The following CAPZA1 variants were observed in gnomAD, a reference collection of about 807,000 sequenced individuals.
CAPZA1 encodes F-actin-capping protein subunit alpha-1.
A neutral mutation model predicts 40.8 loss-of-function variants in CAPZA1; 10 were observed. That is an observed-to-expected ratio of 0.25 (90% CI 0.15 to 0.42). The LOEUF (loss-of-function observed/expected upper bound fraction) is 0.42. CAPZA1 is among the 10% of genes least tolerant of loss of function. The pLI is 1.00. For synonymous variants in CAPZA1, 98 were observed against 115.0 expected (o/e 0.85, Z 0.95); for missense variants, 277 against 353.8 (o/e 0.78, Z 1.74).
chr1:112,624,515 G>A (rs1317839735), intron 1 of CAPZA1, among the ~76,000 whole-genome samples: 1 of 148,644 alleles, frequency 6.7e-6, no homozygotes, highest in African/African-American at 2.5e-5. Context: ...GGCTGAGGCA[G>A]GAGAATAGCT....
Position 112,640,064 on chromosome 1 carries a change from G to A in CAPZA1, c.40-7146G>A, listed in dbSNP as rs867539846. On this transcript the variant is annotated intron_variant, in intron 1 of 9. Transcript: ENST00000263168. Reference sequence around the variant, plus strand: ...CCGCCCCTTCCGGGAGGTGAGGGTCGCCTCTGCCCGGCCGCCCCTACTGGG... The same window carrying A: ...CCGCCCCTTCCGGGAGGTGAGGGTCACCTCTGCCCGGCCGCCCCTACTGGG... Among the ~76,000 whole-genome samples, 656 of 126,052 alleles carry A rather than the reference G, an allele frequency of 5.2e-3. 16 individuals are homozygous for A. The highest frequency in any genetic ancestry group is 0.019 in the African/African-American group (599 of 31,834). 82.7% of individuals were successfully genotyped at this position (126,052 alleles called of 152,430 possible). A position where few individuals can be genotyped will look rare whatever the true frequency, so the allele number is the denominator to read the frequency against.
intron 1 of CAPZA1, among the ~76,000 whole-genome samples, chr1:112,640,681 A>AGG (rs1235806331): frequency 2.0e-5 from 3 of 152,120 alleles, no homozygotes; most frequent in African/African-American, 7.2e-5. Context: ...CTGGAAAGTG[A>AGG]GGAGCCCCTC....
In CAPZA1 at chr1:112,624,607, A is replaced by C. The variant is rs1415092337; in HGVS notation, c.39+4724A>C. 2.9e-4 allele frequency among the ~76,000 whole-genome samples: 27 copies of C among 92,560 alleles called. No homozygotes were observed. The South Asian group carries it at 9.1e-3, about 31-fold the overall frequency. 60.7% of individuals were successfully genotyped at this position (92,560 alleles called of 152,430 possible). A position where few individuals can be genotyped will look rare whatever the true frequency, so the allele number is the denominator to read the frequency against. Reference sequence around the variant, plus strand: ...TGGGCAACAGAGCAAAACTCCATCAAAAAAAAAAAAAAAAAAAAAAAAAAG... The same window carrying C: ...TGGGCAACAGAGCAAAACTCCATCACAAAAAAAAAAAAAAAAAAAAAAAAG... On this transcript the variant is annotated intron_variant, in intron 1 of 9. Coordinates refer to ENST00000263168, the MANE Select transcript of CAPZA1 (RefSeq NM_006135.3).
At chr1:112,622,549 T>C (rs1557724438) in intron 1 of CAPZA1, among the ~76,000 whole-genome samples, 1 of 152,200 alleles carries the variant, frequency 6.6e-6, no homozygotes, top group East Asian at 1.9e-4. Context: ...CATTCAACAT[T>C]TGTAAAACAT....
intron 7 of CAPZA1, among the ~76,000 whole-genome samples, chr1:112,665,637 C>G (rs1671710904): frequency 6.6e-6 from 1 of 152,128 alleles, no homozygotes; most frequent in Admixed American, 6.5e-5. Context: ...ATAGGTGACA[C>G]CTTCTGCATT....
At chr1:112,668,548 C>T (rs1031221832) in intron 8 of CAPZA1, among the ~76,000 whole-genome samples, 1 of 152,134 alleles carries the variant, frequency 6.6e-6, no homozygotes, top group Non-Finnish European at 1.5e-5. Context: ...GGCTGGAGCA[C>T]TGTCTTGGCT....
At chr1:112,641,391 G>A (rs1671159383) in intron 1 of CAPZA1, among the ~76,000 whole-genome samples, 2 of 151,942 alleles carry the variant, frequency 1.3e-5, no homozygotes, top group African/African-American at 4.8e-5. Context: ...CTATACATAG[G>A]TGTAAATATA....
chr1:112,657,151 C>G (rs199554265), intron 5 of CAPZA1, among the ~76,000 whole-genome samples: 1 of 152,084 alleles, frequency 6.6e-6, no homozygotes, highest in African/African-American at 2.4e-5. Context: ...CCGTTCGCCT[C>G]AGCTTCCCAA....
chr1:112,666,786 G>A (rs1279075278), intron 7 of CAPZA1: 3 of 274,828 alleles, frequency 1.1e-5, no homozygotes, highest in Admixed American at 4.9e-5. Context: ...ATTTACCTTT[G>A]TATTCACAAT....
chr1:112,644,675 T>C (rs1016071612), intron 1 of CAPZA1, among the ~76,000 whole-genome samples: 1 of 152,096 alleles, frequency 6.6e-6, no homozygotes, highest in Non-Finnish European at 1.5e-5. Flanking sequence ...CCTTAGGGAG[T>C]TGAATCATCT....
chr1:112,631,828 T>C (rs1670922839), intron 1 of CAPZA1, among the ~76,000 whole-genome samples: 1 of 152,230 alleles, frequency 6.6e-6, no homozygotes, highest in African/African-American at 2.4e-5. Context: ...TTTAAGCACA[T>C]TTAAGCTCCT....
chr1:112,668,275 CAAAA>C (rs1671766175), intron 8 of CAPZA1, among the ~76,000 whole-genome samples: 1 of 151,602 alleles, frequency 6.6e-6, no homozygotes, highest in Non-Finnish European at 1.5e-5. Flanking sequence ...AACCCTGTCT[CAAAA>C]AGAAAGAAAG....
rs543964663 is a variant in CAPZA1 at position 112,655,442 on chromosome 1, A to G, written c.426+771A>G. On this transcript the variant is annotated intron_variant, in intron 5 of 9. Transcript: ENST00000263168. ...CAGTGAGCTGAGACCACACCACTGC[A>G]TTCCAGCCTGGGCAACAGAGTGAGA... 3.0e-3 allele frequency among the ~76,000 whole-genome samples: 456 copies of G among 152,304 alleles called. 2 individuals carry two copies. Among genetic ancestry groups the G allele is most frequent in the African/African-American group, 0.01 (436 of 41,578 alleles).
At chr1:112,665,559 C>T (rs558898342) in intron 7 of CAPZA1, among the ~76,000 whole-genome samples, 20 of 152,278 alleles carry the variant, frequency 1.3e-4, no homozygotes, top group Non-Finnish European at 2.4e-4. Flanking sequence ...ATTCCTCATA[C>T]TTCTGGAGAC....
rs1670540121 is a variant in CAPZA1 at position 112,619,875 on chromosome 1, G to A, written c.31G>A (p.Glu11Lys). The change falls in exon 1 of 10, where the codon GAG becomes AAG. Residue 11 changes from glutamate to lysine, a missense_variant. Physicochemically the swap from Glu to Lys is moderately conservative, Grantham distance 56. Transcript: ENST00000263168. MADFDDRVSD[E>K]EKVRIAAKFI... ...CGACTTCGATGATCGTGTGTCGGATGAGGAGAAGGTAAGGGGTCCGCCTCT... is the reference window on the plus strand; with the variant it reads ...CGACTTCGATGATCGTGTGTCGGATAAGGAGAAGGTAAGGGGTCCGCCTCT... 6.2e-7 allele frequency: 1 copy of A among 1,612,144 alleles called. No homozygotes were observed.
intron 1 of CAPZA1, among the ~76,000 whole-genome samples, chr1:112,637,387 CAG>C (rs1278864576): frequency 6.6e-6 from 1 of 152,254 alleles, no homozygotes; most frequent in Admixed American, 6.5e-5. Context: ...TGTTCTGTGT[CAG>C]GGGTTGACAA....
At chr1:112,636,351 T>A (rs755845746) in intron 1 of CAPZA1, among the ~76,000 whole-genome samples, 1 of 152,208 alleles carries the variant, frequency 6.6e-6, no homozygotes, top group Admixed American at 6.5e-5. Context: ...ATAAGACGAA[T>A]GGGAAGAAAT....
chr1:112,624,480 T>C (rs897718849), intron 1 of CAPZA1, among the ~76,000 whole-genome samples: 16 of 151,624 alleles, frequency 1.1e-4, no homozygotes, highest in African/African-American at 3.6e-4. Flanking sequence ...TGGTGGTGCA[T>C]GTCTGTAATC....
chr1:112,626,681 T>G (rs1373364836), intron 1 of CAPZA1, among the ~76,000 whole-genome samples: 1 of 152,240 alleles, frequency 6.6e-6, no homozygotes, highest in African/African-American at 2.4e-5. Flanking sequence ...TAACAACATT[T>G]TTAATTATCT....
Sources: allele counts gnomAD v4.1 joint callset (sites outside exome capture counted in the v4.1 genomes callset), GRCh38; gene constraint gnomAD v4.1.1; transcripts MANE v1.5; gene names NCBI Gene and HGNC (gene_info 2026-07-23, HGNC 2026-07-21).